Variants in EPB41L2 observed in about 807,000 individuals in gnomAD.
EPB41L2 encodes the protein erythrocyte membrane protein band 4.1 like 2.
Under a neutral mutation model 113.0 loss-of-function variants are expected in EPB41L2, and 43 were observed. That is an observed-to-expected ratio of 0.38 (90% CI 0.30 to 0.49). The LOEUF (loss-of-function observed/expected upper bound fraction) is 0.49. Ranked by LOEUF, EPB41L2 falls within the 20% of genes least tolerant of loss-of-function variation. The pLI is 0.95. For missense variants in EPB41L2, 1,147 were observed against 1,223.4 expected (o/e 0.94, Z 0.93); for synonymous variants, 442 against 436.7 (o/e 1.01, Z -0.15).
chr6:130,985,205 T>C (rs907231375), intron 1 of EPB41L2, among the ~76,000 whole-genome samples: 1 of 152,186 alleles, frequency 6.6e-6, no homozygotes, highest in Non-Finnish European at 1.5e-5. Context: ...TAATGCTTTT[T>C]AACCAATTGA....
chr6:130,964,223 T>C (rs545804950), intron 1 of EPB41L2, among the ~76,000 whole-genome samples: 20 of 152,224 alleles, frequency 1.3e-4, no homozygotes, highest in Middle Eastern at 6.8e-3. Context: ...GGTTTCACCA[T>C]GTTGGCCTGG....
chr6:130,949,927 T>C (rs990272462), intron 3 of EPB41L2, among the ~76,000 whole-genome samples: 2 of 152,202 alleles, frequency 1.3e-5, no homozygotes, highest in African/African-American at 2.4e-5. Context: ...CTCTACCTTA[T>C]TGTTAAGAAT....
chr6:130,957,359 G>A (rs1292697078), intron 1 of EPB41L2, among the ~76,000 whole-genome samples: 3 of 152,234 alleles, frequency 2.0e-5, no homozygotes, highest in Non-Finnish European at 4.4e-5. Context: ...CTTTTAAAGT[G>A]TTACAGCACG....
At chr6:131,010,436 G>A (rs1049633595) in intron 1 of EPB41L2, among the ~76,000 whole-genome samples, 5 of 144,492 alleles carry the variant, frequency 3.5e-5, no homozygotes, top group Admixed American at 7.0e-5. Context: ...TTTTTGAAAC[G>A]CAGTTTCACA....
chr6:130,866,699 C>A (rs1242016787), intron 16 of EPB41L2, among the ~76,000 whole-genome samples: 1 of 152,226 alleles, frequency 6.6e-6, no homozygotes, highest in Non-Finnish European at 1.5e-5. Context: ...AATTCTACCA[C>A]AGAAGGTTCA....
At chr6:130,850,854 G>A (rs1474684269) in intron 19 of EPB41L2, among the ~76,000 whole-genome samples, 2 of 152,188 alleles carry the variant, frequency 1.3e-5, no homozygotes, top group Non-Finnish European at 2.9e-5. Context: ...TTGTGTGGGG[G>A]GAGTTCAAAT....
intron 3 of EPB41L2, among the ~76,000 whole-genome samples, chr6:130,938,454 C>G (rs910523188): frequency 6.6e-6 from 1 of 152,112 alleles, no homozygotes; most frequent in Admixed American, 6.5e-5. Flanking sequence ...TCTTTAAGGT[C>G]TTGCTTGATT....
chr6:130,929,894 C>CACACACAT (rs1233663542), intron 3 of EPB41L2, among the ~76,000 whole-genome samples: 32 of 114,464 alleles, frequency 2.8e-4, no homozygotes, highest in African/African-American at 8.4e-4. Flanking sequence ...CACACACACA[C>CACACACAT]ACATACACGC....
chr6:130,918,239 T>G (rs1449610755), intron 4 of EPB41L2, among the ~76,000 whole-genome samples: 4 of 152,202 alleles, frequency 2.6e-5, no homozygotes, highest in African/African-American at 9.6e-5. Flanking sequence ...TGGAACAAAA[T>G]GGTCTATTAG....
At chr6:130,962,037 G>A (rs899942279) in intron 1 of EPB41L2, among the ~76,000 whole-genome samples, 25 of 152,114 alleles carry the variant, frequency 1.6e-4, no homozygotes, top group African/African-American at 6.0e-4. Flanking sequence ...GATATGTAGA[G>A]CATCCTGCTG....
At chr6:130,900,859 A>G in intron 7 of EPB41L2, 103 bp downstream of exon 7, 1 of 1,381,686 alleles carries the variant, frequency 7.2e-7, no homozygotes, top group Non-Finnish European at 1.0e-6. Context: ...AAAAGGAAAA[A>G]TTGGATAATC....
At chr6:131,028,880 A>G (rs1180627778) in intron 1 of EPB41L2, among the ~76,000 whole-genome samples, 1 of 152,184 alleles carries the variant, frequency 6.6e-6, no homozygotes, top group Non-Finnish European at 1.5e-5. Flanking sequence ...TACACTTGCC[A>G]TGTCTTCATT....
At chr6:130,960,452 T>C (rs1773192974) in intron 1 of EPB41L2, among the ~76,000 whole-genome samples, 1 of 152,074 alleles carries the variant, frequency 6.6e-6, no homozygotes, top group Non-Finnish European at 1.5e-5. Context: ...AAAGTACAAA[T>C]ACAGACAGGA....
chr6:130,875,868 G>A (rs1403911233), intron 14 of EPB41L2, among the ~76,000 whole-genome samples: 2 of 151,788 alleles, frequency 1.3e-5, no homozygotes, highest in Non-Finnish European at 2.9e-5. Context: ...CTTGGTAGCA[G>A]GCACCTGTAA....
intron 4 of EPB41L2, among the ~76,000 whole-genome samples, chr6:130,912,303 T>A (rs949538067): frequency 2.0e-5 from 3 of 152,180 alleles, no homozygotes; most frequent in African/African-American, 7.2e-5. Flanking sequence ...TTAAAATGCT[T>A]ATTAGTACAC....
chr6:130,905,711 C>T (rs567196156), intron 5 of EPB41L2, among the ~76,000 whole-genome samples: 4 of 152,266 alleles, frequency 2.6e-5, no homozygotes, highest in Admixed American at 6.5e-5. Context: ...TGAACCACCA[C>T]GCCCAGCCAA....
intron 8 of EPB41L2, among the ~76,000 whole-genome samples, chr6:130,898,766 T>G (rs1234029661): frequency 6.6e-6 from 1 of 152,190 alleles, no homozygotes; most frequent in Non-Finnish European, 1.5e-5. Context: ...GAACTTCTGT[T>G]GTGTTTTATG....
intron 1 of EPB41L2, among the ~76,000 whole-genome samples, chr6:131,043,255 C>T (rs1436010770): frequency 6.6e-6 from 1 of 151,982 alleles, no homozygotes; most frequent in Non-Finnish European, 1.5e-5. Context: ...GAGCCAAAAT[C>T]TCGCCGCTGC....
chr6:130,923,774 A>C (rs1265534036), intron 4 of EPB41L2, among the ~76,000 whole-genome samples: 2 of 152,356 alleles, frequency 1.3e-5, no homozygotes, highest in East Asian at 3.8e-4. Flanking sequence ...TTACGGTTAG[A>C]GCCTCAGCAG....
Sources: gnomAD v4.1 joint callset for allele counts (sites outside exome capture counted in the v4.1 genomes callset) on GRCh38, gnomAD v4.1.1 for gene constraint, MANE v1.5 for transcripts, NCBI Gene and HGNC (gene_info 2026-07-23, HGNC 2026-07-21) for gene names.